The following LIN9 variants were observed in gnomAD, a reference collection of about 807,000 sequenced individuals.
The protein encoded by LIN9 is protein lin-9 homolog.
Under a neutral mutation model 78.0 loss-of-function variants are expected in LIN9, and 18 were observed. That is an observed-to-expected ratio of 0.23 (90% CI 0.16 to 0.34). LIN9 has a LOEUF of 0.34. Ranked by LOEUF, LIN9 falls within the 10% of genes least tolerant of loss-of-function variation. The pLI is 1.00. For synonymous variants in LIN9, 192 were observed against 215.2 expected (o/e 0.89, Z 0.94); for missense variants, 451 against 644.1 (o/e 0.70, Z 3.25).
intron 2 of LIN9, among the ~76,000 whole-genome samples, chr1:226,299,236 G>A (rs1662360145): frequency 6.6e-6 from 1 of 152,068 alleles, no homozygotes; most frequent in African/African-American, 2.4e-5. Flanking sequence ...GGGTGCAGTG[G>A]CTCACATCTG....
In LIN9 at chr1:226,233,200, G is replaced by A. The variant is rs766836399; in HGVS notation, c.1426-7C>T. ...CTCCTCCTTCTGCTAGACACTAAAG[G>A]GAAAAAAATTTCAAAATTTAATTGC... On this transcript the variant is annotated splice_region_variant and splice_polypyrimidine_tract_variant and intron_variant, in intron 13 of 14. Coordinates refer to ENST00000681046, the MANE Select transcript of LIN9 (RefSeq NM_001366245.2). The A allele has an allele frequency of 1.3e-6, 2 of 1,587,364 alleles. No individual in the cohort carries two copies. Among genetic ancestry groups the A allele is most frequent in the Non-Finnish European group, 1.7e-6 (2 of 1,167,974 alleles).
rs890597915 is a variant in LIN9 at position 226,231,833 on chromosome 1, CCTT to C, written c.*665_*667del. ...ATTTTGCACCTTTTTTCCCCCTGTT[CCTT>C]CATTTTCTTTCAACAAACAACAAAG... On this transcript the variant is annotated 3_prime_UTR_variant, in exon 15 of 15. Coordinates refer to ENST00000681046, the MANE Select transcript of LIN9 (RefSeq NM_001366245.2). 87 of 240,770 alleles carry C rather than the reference CCTT, an allele frequency of 3.6e-4. No individual in the cohort carries two copies. The highest frequency in any genetic ancestry group is 1.8e-3 in the African/African-American group (80 of 44,360). 14.9% of individuals were successfully genotyped at this position (240,770 alleles called of 1,614,324 possible).
At chr1:226,290,333 CTTTTTTT>C (rs60478152) in intron 4 of LIN9, among the ~76,000 whole-genome samples, 2 of 136,748 alleles carry the variant, frequency 1.5e-5, no homozygotes, top group Admixed American at 1.5e-4. Context: ...GAGGCTATTT[CTTTTTTT>C]TTTTTTTTTC....
chr1:226,244,304 T>C (rs7414167), intron 11 of LIN9, among the ~76,000 whole-genome samples: 96,639 of 151,604 alleles, frequency 0.64, 31,297 homozygotes, highest in East Asian at 0.7. Context: ...CGGTGGCGCA[T>C]GCCTGTAATC....
chr1:226,239,247 TG>T, intron 11 of LIN9, 151 bp from the exon 12 acceptor site: 1 of 759,128 alleles, frequency 1.3e-6, no homozygotes, highest in Non-Finnish European at 2.1e-6. Flanking sequence ...TCTGTGATAA[TG>T]GCATTGTTAT....
rs554688497 is a variant in LIN9 at position 226,254,057 on chromosome 1, G to A, written c.1039-3138C>T. Among the ~76,000 whole-genome samples the A allele has an allele frequency of 7.2e-5, 11 of 152,242 alleles. No homozygotes were observed. In the East Asian group the frequency reaches 1.9e-3, roughly 27 times the overall value. On this transcript the variant is annotated intron_variant, in intron 10 of 14. Transcript: ENST00000681046. ...AGTGATCTTCCCACCTCAGACTCCT[G>A]AGTAGTAGGGACTACAGGGGCGTAT...
chr1:226,288,276 T>C (rs771532959), intron 4 of LIN9, among the ~76,000 whole-genome samples: 2 of 152,006 alleles, frequency 1.3e-5, no homozygotes, highest in African/African-American at 4.8e-5. Context: ...CCAGCTTAGA[T>C]GGATACTTTT....
intron 6 of LIN9, among the ~76,000 whole-genome samples, chr1:226,278,429 T>TA (rs1369275975): frequency 6.0e-5 from 9 of 149,458 alleles, no homozygotes; most frequent in South Asian, 2.1e-4. Context: ...GACTCCATCT[T>TA]AAAAAAAACA....
intron 10 of LIN9, among the ~76,000 whole-genome samples, chr1:226,258,894 C>CAAAAAAAAAAAAAAAAAA (rs770169450): frequency 5.5e-5 from 3 of 54,776 alleles, no homozygotes; most frequent in African/African-American, 1.6e-4. Context: ...TCTGTCTCAA[C>CAAAAAAAAAAAAAAAAAA]AAAAAAAAAA....
chr1:226,307,127 A>C (rs1178409476), intron 1 of LIN9, among the ~76,000 whole-genome samples: 4 of 152,236 alleles, frequency 2.6e-5, no homozygotes, highest in African/African-American at 9.6e-5. Flanking sequence ...ATATGAAGCA[A>C]ATATTCCTAA....
chr1:226,245,717 C>A (rs1658433864), intron 11 of LIN9, among the ~76,000 whole-genome samples: 1 of 152,106 alleles, frequency 6.6e-6, no homozygotes, highest in East Asian at 1.9e-4. Context: ...CCTGCCTCAG[C>A]CTCCTGCGTA....
chr1:226,306,983 A>G (rs1304613088), intron 1 of LIN9, among the ~76,000 whole-genome samples: 2 of 152,214 alleles, frequency 1.3e-5, no homozygotes, highest in African/African-American at 4.8e-5. Flanking sequence ...ATACACACCA[A>G]TGCACCAGAG....
chr1:226,269,960 G>C (rs191831020), intron 7 of LIN9, among the ~76,000 whole-genome samples: 1 of 152,220 alleles, frequency 6.6e-6, no homozygotes, highest in Admixed American at 6.5e-5. Flanking sequence ...GTCTCGCTCC[G>C]TTGCCCAGGA....
At chr1:226,256,866 A>T (rs945781433) in intron 10 of LIN9, among the ~76,000 whole-genome samples, 1 of 151,980 alleles carries the variant, frequency 6.6e-6, no homozygotes, top group Admixed American at 6.6e-5. Context: ...CAATAAAATA[A>T]AATTTTTTTT....
At position 226,265,633 on chromosome 1, in the gene LIN9, T is replaced by C; in HGVS notation, c.938A>G (p.Asp313Gly). Residue 313 changes from aspartate to glycine, a missense_variant and splice_region_variant, in exon 10 of 15, where the codon GAT (aspartate) becomes GGT (glycine). By Grantham distance (94) the Asp-to-Gly change is moderately conservative (BLOSUM62 -1). Transcript: ENST00000681046. This position sits in a 1 kb window ranked among gnomAD's most constrained non-coding sequence, Gnocchi z 4.1. Reference sequence around the variant, plus strand: ...CGACTGTCCTAATAAAGGATCATTATCCTATGGGAATAAAAAGGAATTATT... The same window carrying C: ...CGACTGTCCTAATAAAGGATCATTACCCTATGGGAATAAAAAGGAATTATT... ...YTPPLQSPII[D>G]NDPLLGQSPW... 1 of 1,517,696 alleles carries C rather than the reference T, an allele frequency of 6.6e-7. No homozygotes were observed. Among genetic ancestry groups the C allele is most frequent in the Non-Finnish European group, 9.1e-7 (1 of 1,096,110 alleles). The allele number at this position is 1,517,696 out of a possible 1,614,324, so 94.0% of individuals were successfully genotyped here.
intron 7 of LIN9, among the ~76,000 whole-genome samples, chr1:226,273,909 C>T (rs1379674091): frequency 6.6e-6 from 1 of 151,042 alleles, no homozygotes; most frequent in East Asian, 2.0e-4. Flanking sequence ...GCAATCTCGG[C>T]TCACTGCAAC....
rs1658802281 is a variant in LIN9 at position 226,251,050 on chromosome 1, T to A, written c.1039-131A>T. On this transcript the variant is annotated intron_variant, in intron 10 of 14. Transcript: ENST00000681046. ...AGTGTTTCAACATATATATATAGCA[T>A]AGCATTGTTTTGGTTTTTTTTTCTG... 5.8e-6 allele frequency: 3 copies of A among 514,296 alleles called. No individual in the cohort carries two copies. The East Asian group carries it at 1.0e-4, about 18-fold the overall frequency. The allele number at this position is 514,296 out of a possible 1,614,324, so 31.9% of individuals were successfully genotyped here. A position where few individuals can be genotyped will look rare whatever the true frequency, so the allele number is the denominator to read the frequency against.
chr1:226,278,904 G>A (rs1394034383), intron 6 of LIN9, among the ~76,000 whole-genome samples: 4 of 149,382 alleles, frequency 2.7e-5, no homozygotes, highest in South Asian at 2.1e-4. Flanking sequence ...GGTAGATATC[G>A]AGGTCAGGAA....
At chr1:226,276,732 T>A (rs953072954) in intron 7 of LIN9, among the ~76,000 whole-genome samples, 10 of 152,178 alleles carry the variant, frequency 6.6e-5, no homozygotes, top group African/African-American at 2.4e-4. Flanking sequence ...GCCTATTCTA[T>A]CCACTTAACT....
Sources: gnomAD v4.1 joint callset for allele counts (sites outside exome capture counted in the v4.1 genomes callset) on GRCh38, gnomAD v4.1.1 for gene constraint, Gnocchi (gnomAD v3.1) non-coding constraint, MANE v1.5 for transcripts, NCBI Gene and HGNC (gene_info 2026-07-23, HGNC 2026-07-21) for gene names.